The following MMP16 variants were observed in gnomAD, a reference collection of about 807,000 sequenced individuals.
The protein encoded by MMP16 is matrix metalloproteinase-16.
Under a neutral mutation model 67.8 loss-of-function variants are expected in MMP16, and 12 were observed. The ratio of observed to expected loss-of-function variants is 0.18; its 90% CI spans 0.11 to 0.29. MMP16 has a LOEUF of 0.29. MMP16 is among the 10% of genes least tolerant of loss of function. The pLI is 1.00. For missense variants in MMP16, 475 were observed against 765.7 expected (o/e 0.62, Z 4.48); for synonymous variants, 249 against 255.9 (o/e 0.97, Z 0.26).
At chr8:88,126,587 G>C (rs1807934974) in intron 4 of MMP16, among the ~76,000 whole-genome samples, 1 of 151,778 alleles carries the variant, frequency 6.6e-6, no homozygotes, top group South Asian at 2.1e-4. Context: ...AAAGAAAAAT[G>C]GTGACTATGT....
chr8:88,133,138 A>T (rs899836144), intron 4 of MMP16, among the ~76,000 whole-genome samples: 1 of 151,784 alleles, frequency 6.6e-6, no homozygotes, highest in Non-Finnish European at 1.5e-5. Context: ...TTTATTCCAC[A>T]TACTGTTTTG....
At chr8:88,044,788 A>G (rs1351988498) in intron 9 of MMP16, among the ~76,000 whole-genome samples, 1 of 152,078 alleles carries the variant, frequency 6.6e-6, no homozygotes, top group African/African-American at 2.4e-5. Flanking sequence ...TCTATTTTTT[A>G]CTCTTACACG....
intron 6 of MMP16, among the ~76,000 whole-genome samples, chr8:88,076,160 C>T (rs1235491028): frequency 6.6e-6 from 1 of 152,008 alleles, no homozygotes; most frequent in Non-Finnish European, 1.5e-5. Context: ...GCTTAATTAA[C>T]GACTCTAAGC....
intron 1 of MMP16, among the ~76,000 whole-genome samples, chr8:88,326,435 C>A (rs1289305761): frequency 1.3e-5 from 2 of 151,962 alleles, no homozygotes; most frequent in Non-Finnish European, 2.9e-5. Flanking sequence ...TTACATTGGG[C>A]CACGTTTATT....
intron 3 of MMP16, among the ~76,000 whole-genome samples, chr8:88,177,197 C>T (rs903190582): frequency 6.6e-5 from 10 of 152,068 alleles, no homozygotes; most frequent in Non-Finnish European, 1.5e-4. Context: ...TATGTGGGCA[C>T]ATGTGTGTAT....
intron 8 of MMP16, among the ~76,000 whole-genome samples, chr8:88,048,519 A>G (rs1439156639): frequency 6.6e-6 from 1 of 152,232 alleles, no homozygotes; most frequent in Admixed American, 6.5e-5. Flanking sequence ...TGCTCTATGC[A>G]TTATTTTATT....
intron 7 of MMP16, among the ~76,000 whole-genome samples, chr8:88,063,755 A>G (rs1007686616): frequency 6.6e-6 from 1 of 152,052 alleles, no homozygotes; most frequent in Non-Finnish European, 1.5e-5. Flanking sequence ...TTACTATGCA[A>G]AATTGACTCT....
intron 1 of MMP16, 57 bp downstream of exon 1, chr8:88,327,018 A>T (rs1811550021): frequency 6.2e-7 from 1 of 1,606,996 alleles, no homozygotes; most frequent in African/African-American, 1.3e-5. Context: ...AGTGAAGGAA[A>T]TGTTTCAGGG....
intron 1 of MMP16, among the ~76,000 whole-genome samples, chr8:88,234,735 G>T (rs1469361364): frequency 1.3e-5 from 2 of 152,128 alleles, no homozygotes; most frequent in Non-Finnish European, 2.9e-5. Context: ...TGTAAAGCAG[G>T]GCAGTCAAAA....
intron 1 of MMP16, among the ~76,000 whole-genome samples, chr8:88,268,638 A>G (rs1810517209): frequency 6.6e-6 from 1 of 152,152 alleles, no homozygotes; most frequent in South Asian, 2.1e-4. Context: ...TTAGTAGCCA[A>G]TATCACCCCA....
chr8:88,106,748 T>C (rs1257365042), intron 6 of MMP16, among the ~76,000 whole-genome samples: 1 of 151,366 alleles, frequency 6.6e-6, no homozygotes, highest in Non-Finnish European at 1.5e-5. Context: ...AAAATGCATA[T>C]GAATCTCTTT....
At chr8:88,279,403 G>A (rs1293144793) in intron 1 of MMP16, among the ~76,000 whole-genome samples, 6 of 151,970 alleles carry the variant, frequency 3.9e-5, no homozygotes, top group Admixed American at 2.6e-4. Context: ...TACCTACATA[G>A]CTTGCATTCT....
chr8:88,309,071 G>A (rs1195841120), intron 1 of MMP16, among the ~76,000 whole-genome samples: 2 of 152,038 alleles, frequency 1.3e-5, no homozygotes, highest in African/African-American at 2.4e-5. Flanking sequence ...GCATTGTTGA[G>A]TGACAATTTG....
intron 4 of MMP16, among the ~76,000 whole-genome samples, chr8:88,149,882 GAGA>G (rs1341951851): frequency 6.7e-6 from 1 of 148,454 alleles, no homozygotes; most frequent in East Asian, 2.0e-4. Flanking sequence ...GATGAGCTGA[GAGA>G]AGAAGGCTTC....
chr8:88,323,647 T>A (rs1811493701), intron 1 of MMP16, among the ~76,000 whole-genome samples: 1 of 152,162 alleles, frequency 6.6e-6, no homozygotes, highest in Non-Finnish European at 1.5e-5. Flanking sequence ...ATGTATGCTA[T>A]TGTTTAGAAA....
At position 88,202,919 on chromosome 8, in the gene MMP16, A is replaced by G. The variant is rs111878780; in HGVS notation, c.133-5613T>C. Among the ~76,000 whole-genome samples, 206 of 152,096 alleles carry G rather than the reference A, an allele frequency of 1.4e-3. 3 individuals carry two copies. Among genetic ancestry groups the G allele is most frequent in the Middle Eastern group, 6.8e-3 (2 of 294 alleles). On this transcript the variant is annotated intron_variant, in intron 1 of 9. Transcript: ENST00000286614. ...AAATGCTGAACAATGCACCAGGTAA[A>G]CGTTCTAAAAGCACTTACTTGAGTC...
At chr8:88,284,015 C>T (rs1810784539) in intron 1 of MMP16, among the ~76,000 whole-genome samples, 1 of 152,182 alleles carries the variant, frequency 6.6e-6, no homozygotes, top group South Asian at 2.1e-4. Context: ...AGTCCTTGAC[C>T]TTTCATGAAT....
intron 4 of MMP16, among the ~76,000 whole-genome samples, chr8:88,140,901 C>A (rs1326861932): frequency 6.6e-6 from 1 of 151,926 alleles, no homozygotes; most frequent in Non-Finnish European, 1.5e-5. Flanking sequence ...TTTAAAACTC[C>A]AAAAACAAAA....
intron 1 of MMP16, among the ~76,000 whole-genome samples, chr8:88,229,075 T>C (rs949381847): frequency 3.3e-5 from 5 of 151,930 alleles, no homozygotes; most frequent in Non-Finnish European, 7.4e-5. Context: ...GTGGGAAGAT[T>C]GCTTGAGCTC....
Sources: gnomAD v4.1 joint callset for allele counts (sites outside exome capture counted in the v4.1 genomes callset) on GRCh38, gnomAD v4.1.1 for gene constraint, MANE v1.5 for transcripts, NCBI Gene and HGNC (gene_info 2026-07-23, HGNC 2026-07-21) for gene names.